CCDC171: variants seen among roughly 807,000 people sequenced by gnomAD.
CCDC171 encodes the protein coiled-coil domain containing 171, also known as coiled-coil domain-containing protein 171.
A neutral mutation model predicts 168.2 loss-of-function variants in CCDC171; 177 were observed. The observed-to-expected ratio is 1.05, with a 90% CI of 0.93 to 1.19. The LOEUF is 1.19. Ranked by LOEUF, CCDC171 falls within the 50% of genes most tolerant of loss-of-function variation. The pLI is 0.00. For synonymous variants in CCDC171, 687 were observed against 540.8 expected (o/e 1.27, Z -3.75); for missense variants, 1,991 against 1,539.0 (o/e 1.29, Z -4.91).
At chr9:16,052,542 A>G (rs1450848192) in intron 1 of CCDC171, among the ~76,000 whole-genome samples, 2 of 152,138 alleles carry the variant, frequency 1.3e-5, no homozygotes, top group Non-Finnish European at 1.5e-5. Flanking sequence ...TAACTCACTG[A>G]TCTGCATTAT....
chr9:15,618,138 C>T (rs7864402), intron 6 of CCDC171, among the ~76,000 whole-genome samples: 1 of 152,192 alleles, frequency 6.6e-6, no homozygotes, highest in South Asian at 2.1e-4. Flanking sequence ...CCCCTTCCCC[C>T]AGGTGCTCTG....
chr9:15,925,937 T>C (rs1314188431), intron 25 of CCDC171, among the ~76,000 whole-genome samples: 2 of 151,574 alleles, frequency 1.3e-5, no homozygotes, highest in Non-Finnish European at 3.0e-5. Flanking sequence ...TTTAACAATA[T>C]AGAAATAATC....
chr9:15,652,785 C>G (rs190612318), intron 7 of CCDC171, among the ~76,000 whole-genome samples: 118 of 152,292 alleles, frequency 7.7e-4, no homozygotes, highest in African/African-American at 2.7e-3. Flanking sequence ...TGACATATGT[C>G]TTCCATCTTT....
chr9:15,588,976 C>T (rs1219415706), intron 4 of CCDC171, among the ~76,000 whole-genome samples: 1 of 151,848 alleles, frequency 6.6e-6, no homozygotes, highest in Non-Finnish European at 1.5e-5. Context: ...TCCCAAAGGG[C>T]TTGGATTACA....
chr9:15,598,366 T>C (rs987186023), intron 6 of CCDC171, among the ~76,000 whole-genome samples: 1 of 152,162 alleles, frequency 6.6e-6, no homozygotes, highest in Non-Finnish European at 1.5e-5. Flanking sequence ...TCTCGTTGGT[T>C]TCAAAGAACA....
chr9:15,865,849 CGTGTGTGTGTGTGT>C (rs71325944), intron 23 of CCDC171, among the ~76,000 whole-genome samples: 2 of 147,462 alleles, frequency 1.4e-5, no homozygotes, highest in South Asian at 4.3e-4. Flanking sequence ...ACTCTGCGTG[CGTGTGTGTGTGTGT>C]GTGTGTGTGT....
intron 3 of CCDC171, among the ~76,000 whole-genome samples, chr9:15,995,556 G>T (rs1832344352): frequency 6.6e-6 from 1 of 152,174 alleles, no homozygotes; most frequent in African/African-American, 2.4e-5. Flanking sequence ...ATTTCTGTAG[G>T]AGCTGTCATC....
intron 7 of CCDC171, among the ~76,000 whole-genome samples, chr9:15,652,213 T>A (rs955003003): frequency 7.2e-5 from 11 of 152,238 alleles, no homozygotes; most frequent in African/African-American, 2.2e-4. Context: ...TATTTTTTTA[T>A]ATGATATGAG....
At chr9:16,079,594 C>T in the CCDC171 span, among the ~76,000 whole-genome samples, 50 of 152,298 alleles carry the variant, frequency 3.3e-4, no homozygotes, top group Middle Eastern at 3.4e-3. Context: ...CACCAGAAGC[C>T]GGGAGAGAGG....
At chr9:16,035,229 C>T (rs1833442497) in intron 6 of CCDC171, among the ~76,000 whole-genome samples, 1 of 152,090 alleles carries the variant, frequency 6.6e-6, no homozygotes, top group South Asian at 2.1e-4. Flanking sequence ...AAAGAACATA[C>T]TAAGAAAGAA....
At chr9:15,985,499 G>T (rs1488269654) in intron 3 of CCDC171, among the ~76,000 whole-genome samples, 1 of 152,042 alleles carries the variant, frequency 6.6e-6, no homozygotes, top group Admixed American at 6.6e-5. Context: ...ACATTATTTG[G>T]GTTATCTCAT....
the CCDC171 span, among the ~76,000 whole-genome samples, chr9:16,071,277 A>G: frequency 6.6e-6 from 1 of 151,930 alleles, no homozygotes; most frequent in African/African-American, 2.4e-5. Flanking sequence ...ACCGAGTCTG[A>G]GTTTTTCTGC....
intron 3 of CCDC171, among the ~76,000 whole-genome samples, chr9:16,004,688 C>G (rs921115259): frequency 1.3e-5 from 2 of 152,144 alleles, no homozygotes; most frequent in Non-Finnish European, 2.9e-5. Flanking sequence ...TGGCTTATCC[C>G]CACAGGTGTC....
At chr9:15,771,714 T>C (rs2057023403) in intron 18 of CCDC171, among the ~76,000 whole-genome samples, 2 of 152,238 alleles carry the variant, frequency 1.3e-5, no homozygotes, top group Admixed American at 1.3e-4. Context: ...CAAGGTAGTA[T>C]TGCTCATATT....
chr9:15,736,194 A>T (rs918223259), intron 16 of CCDC171, among the ~76,000 whole-genome samples: 5 of 152,186 alleles, frequency 3.3e-5, no homozygotes, highest in African/African-American at 1.2e-4. Context: ...AGTGAATGTT[A>T]TGGACTGTTT....
At chr9:16,044,556 G>C (rs910937015) in intron 1 of CCDC171, among the ~76,000 whole-genome samples, 1 of 139,968 alleles carries the variant, frequency 7.1e-6, no homozygotes, top group Non-Finnish European at 1.5e-5. Context: ...TTGGTTCTTT[G>C]AGTATGTTGT....
At chr9:15,823,382 A>G (rs1330667946) in intron 21 of CCDC171, among the ~76,000 whole-genome samples, 1 of 152,142 alleles carries the variant, frequency 6.6e-6, no homozygotes, top group Non-Finnish European at 1.5e-5. Context: ...TTAAGCATAA[A>G]AAGGAATAAT....
intron 3 of CCDC171, among the ~76,000 whole-genome samples, chr9:15,572,671 C>T (rs1039731279): frequency 6.6e-6 from 1 of 152,166 alleles, no homozygotes; most frequent in African/African-American, 2.4e-5. Flanking sequence ...CTAAGTGAAA[C>T]TGGCTACTAC....
At chr9:15,611,562 G>A (rs2043698354) in intron 6 of CCDC171, among the ~76,000 whole-genome samples, 1 of 152,104 alleles carries the variant, frequency 6.6e-6, no homozygotes, top group Non-Finnish European at 1.5e-5. Flanking sequence ...GGCGCTGTGA[G>A]GTCTAACTGC....
Sources: allele counts gnomAD v4.1 joint callset (sites outside exome capture counted in the v4.1 genomes callset), GRCh38; gene constraint gnomAD v4.1.1; transcripts MANE v1.5; gene names NCBI Gene and HGNC (gene_info 2026-07-23, HGNC 2026-07-21).